MPHOSPH8: variants seen among roughly 807,000 people sequenced by gnomAD.
MPHOSPH8 encodes the protein M-phase phosphoprotein, mpp.
A neutral mutation model predicts 87.3 loss-of-function variants in MPHOSPH8; 45 were observed. That is an observed-to-expected ratio of 0.52 (90% CI 0.41 to 0.66). The LOEUF is 0.66. Ranked by LOEUF, MPHOSPH8 falls within the 30% of genes least tolerant of loss-of-function variation. The pLI is 0.00. For missense variants in MPHOSPH8, 883 were observed against 1,020.2 expected (o/e 0.87, Z 1.83); for synonymous variants, 366 against 376.9 (o/e 0.97, Z 0.33).
intron 8 of MPHOSPH8, among the ~76,000 whole-genome samples, chr13:19,662,518 G>C (rs1297174732): frequency 1.3e-5 from 2 of 152,186 alleles, no homozygotes; most frequent in Non-Finnish European, 2.9e-5. Flanking sequence ...GGGATTACAG[G>C]CATGAGCCAC....
At chr13:19,669,966 A>G (rs1158606024) in intron 11 of MPHOSPH8, among the ~76,000 whole-genome samples, 1 of 152,242 alleles carries the variant, frequency 6.6e-6, no homozygotes, top group Non-Finnish European at 1.5e-5. Flanking sequence ...TACCAGTTAA[A>G]TAACTTCAGT....
chr13:19,659,068 G>A lies in MPHOSPH8; in HGVS notation c.1650G>A (p.Lys550=), dbSNP rs756212096. The A allele has an allele frequency of 6.2e-7, 1 of 1,614,152 alleles. No homozygotes were observed. Among genetic ancestry groups the A allele is most frequent in the South Asian group, 1.1e-5 (1 of 91,076 alleles). The change falls in exon 6 of 14, where the codon AAG becomes AAA. Residue 550 remains lysine, a synonymous_variant. Transcript: ENST00000361479. Reference sequence around the variant, plus strand: ...GGATGAAGTTGGAAGATTTCCAAAAGCACCTTGATGGGAAAGATGAGAATT... The same window carrying A: ...GGATGAAGTTGGAAGATTTCCAAAAACACCTTGATGGGAAAGATGAGAATT... ...LEWMKLEDFQ[K]HLDGKDENFA... is the part of the protein sequence containing the mutation.
chr13:19,669,307 A>G (rs570323294), intron 11 of MPHOSPH8, among the ~76,000 whole-genome samples: 1 of 151,534 alleles, frequency 6.6e-6, no homozygotes, highest in East Asian at 2.0e-4. Context: ...TCAGCCTCCC[A>G]AAGTGCTGGG....
At chr13:19,668,586 C>G in intron 11 of MPHOSPH8, 55 bp downstream of exon 11, 1 of 1,516,348 alleles carries the variant, frequency 6.6e-7, no homozygotes, top group Non-Finnish European at 8.9e-7. Flanking sequence ...ACTATATTAA[C>G]AGATTTTTAG....
intron 1 of MPHOSPH8, 93 bp downstream of exon 1, chr13:19,634,054 C>T (rs1873860457): frequency 7.7e-7 from 1 of 1,299,126 alleles, no homozygotes; most frequent in African/African-American, 1.5e-5. Context: ...AGACCCAAAA[C>T]AGGAGCGGGG....
At chr13:19,648,589 A>G in intron 4 of MPHOSPH8, 68 bp downstream of exon 4, 2 of 656,962 alleles carry the variant, frequency 3.0e-6, no homozygotes, top group East Asian at 7.5e-5. Flanking sequence ...AGTTACCTAA[A>G]TTTATTATAT....
chr13:19,637,286 G>A (rs1038923236), intron 1 of MPHOSPH8, among the ~76,000 whole-genome samples: 1 of 152,124 alleles, frequency 6.6e-6, no homozygotes, highest in Admixed American at 6.5e-5. Flanking sequence ...TTATAACTAT[G>A]TTAATGTAAA....
intron 11 of MPHOSPH8, among the ~76,000 whole-genome samples, chr13:19,668,888 T>C (rs1203733862): frequency 1.3e-5 from 2 of 152,162 alleles, no homozygotes; most frequent in Non-Finnish European, 2.9e-5. Flanking sequence ...TCTTGCTCCA[T>C]AGTAAAGCTG....
At chr13:19,663,678 G>T (rs759544364) in intron 9 of MPHOSPH8, among the ~76,000 whole-genome samples, 1 of 152,210 alleles carries the variant, frequency 6.6e-6, no homozygotes, top group African/African-American at 2.4e-5. Context: ...GCCCTGCCAG[G>T]TCTGGTTGGT....
rs1874554497 is a variant in MPHOSPH8, at chr13:19,646,227, CT to C, written c.370-215del. On this transcript the variant is annotated intron_variant, in intron 2 of 13. Transcript: ENST00000361479. ...AGCAGCACTGAGTTTCTGTGCACCC[CT>C]GCCTTCCAGACTCACACTTGCCCTC... Among the ~76,000 whole-genome samples the C allele has an allele frequency of 2.0e-5, 3 of 152,272 alleles. No individual in the cohort carries two copies. The South Asian group carries it at 6.2e-4, about 32-fold the overall frequency.
intron 5 of MPHOSPH8, among the ~76,000 whole-genome samples, chr13:19,655,091 GGAGAAATT>G (rs1875080283): frequency 1.3e-5 from 2 of 152,108 alleles, no homozygotes. Context: ...AAATTGTAAA[GGAGAAATT>G]GATTTAATAG....
At chr13:19,646,026 A>G (rs1180641493) in intron 2 of MPHOSPH8, among the ~76,000 whole-genome samples, 2 of 152,184 alleles carry the variant, frequency 1.3e-5, no homozygotes, top group Non-Finnish European at 2.9e-5. Context: ...GTTTAAGGAC[A>G]TTCCAGGATC....
intron 3 of MPHOSPH8, 133 bp from the exon 4 acceptor site, chr13:19,648,289 T>C: frequency 2.2e-6 from 1 of 451,946 alleles, no homozygotes; most frequent in Non-Finnish European, 4.0e-6. Context: ...GAGGATTTAA[T>C]GATCAGTTAT....
intron 1 of MPHOSPH8, among the ~76,000 whole-genome samples, chr13:19,634,464 C>T (rs1337871432): frequency 6.6e-6 from 1 of 152,154 alleles, no homozygotes; most frequent in Non-Finnish European, 1.5e-5. Context: ...AGCATCATCC[C>T]TCTCTCCCCT....
At chr13:19,645,484 A>T (rs1263588514) in intron 2 of MPHOSPH8, among the ~76,000 whole-genome samples, 2 of 152,108 alleles carry the variant, frequency 1.3e-5, no homozygotes. Flanking sequence ...TTTTTAAAGT[A>T]TATCTGGCCA....
At position 19,661,782 on chromosome 13, in the gene MPHOSPH8, A is replaced by T; in HGVS notation, c.1876A>T (p.Lys626Ter). Residue 626 changes from lysine (K) to a stop codon, truncating the protein, a stop_gained, in exon 8 of 14, where the codon AAA (lysine) becomes TAA (stop). Coordinates refer to ENST00000361479, the MANE Select transcript of MPHOSPH8 (RefSeq NM_017520.4). LOFTEE classifies it high-confidence loss of function. ...LLRLLITKGA[K>*]VNGRQKNGTT... ...GCGACTCCTCATCACAAAAGGCGCG[A>T]AAGTGAACGGTCGGCAGAAGAACGG... 2 of 1,613,644 alleles carry T rather than the reference A, an allele frequency of 1.2e-6. No homozygotes were observed. Among genetic ancestry groups the T allele is most frequent in the Non-Finnish European group, 1.7e-6 (2 of 1,179,776 alleles).
In MPHOSPH8 at chr13:19,673,126, G is replaced by A. The variant is rs1876247698; in HGVS notation, c.*1251G>A. The stretch of plus-strand genomic sequence containing the variant: ...TTTTTTTTTTGAAAAGCCAGACCTT[G>A]TGCCCTTGTTTTGAACACCGACTGG... On this transcript the variant is annotated 3_prime_UTR_variant, in exon 14 of 14. Coordinates refer to ENST00000361479, the MANE Select transcript of MPHOSPH8 (RefSeq NM_017520.4). 2.3e-6 allele frequency: 1 copy of A among 443,698 alleles called. No individual in the cohort carries two copies. Among genetic ancestry groups the A allele is most frequent in the African/African-American group, 2.1e-5 (1 of 46,620 alleles). The allele number at this position is 443,698 out of a possible 1,614,324, so 27.5% of individuals were successfully genotyped here.
chr13:19,669,569 T>C (rs979472523), intron 11 of MPHOSPH8, among the ~76,000 whole-genome samples: 2 of 147,022 alleles, frequency 1.4e-5, no homozygotes, highest in South Asian at 4.4e-4. Context: ...AGTGCAGTGG[T>C]GCGATCTCGG....
chr13:19,650,461 TC>T, intron 5 of MPHOSPH8: 1 of 523,910 alleles, frequency 1.9e-6, no homozygotes, highest in Non-Finnish European at 3.2e-6. Flanking sequence ...TTTTCTGAGT[TC>T]CTATAATGTT....
Sources: allele counts gnomAD v4.1 joint callset (sites outside exome capture counted in the v4.1 genomes callset), GRCh38; gene constraint gnomAD v4.1.1; transcripts MANE v1.5; gene names NCBI Gene and HGNC (gene_info 2026-07-23, HGNC 2026-07-21).